Variants in SLIT3 observed in about 807,000 individuals in gnomAD.
SLIT3 encodes slit guidance ligand 3, also known as slit homolog 3 protein.
Under a neutral mutation model 184.0 loss-of-function variants are expected in SLIT3, and 68 were observed. The observed-to-expected ratio is 0.37, with a 90% CI of 0.30 to 0.45. SLIT3 has a LOEUF of 0.45. Ranked by LOEUF, SLIT3 falls within the 20% of genes least tolerant of loss-of-function variation. SLIT3 has a pLI of 1.00. For missense variants in SLIT3, 1,707 were observed against 2,026.0 expected (o/e 0.84, Z 3.02); for synonymous variants, 831 against 828.6 (o/e 1.00, Z -0.05).
chr5:169,153,213 G>A (rs749640904), intron 4 of SLIT3, among the ~76,000 whole-genome samples: 2 of 152,180 alleles, frequency 1.3e-5, no homozygotes, highest in Non-Finnish European at 2.9e-5. Flanking sequence ...GGCCAATGGG[G>A]AGGGGAGGAG....
At chr5:169,041,765 G>A (rs1186257411) in intron 4 of SLIT3, among the ~76,000 whole-genome samples, 1 of 152,132 alleles carries the variant, frequency 6.6e-6, no homozygotes, top group Admixed American at 6.5e-5. Flanking sequence ...TTTGGGAGAT[G>A]CTTCAGAAAA....
At chr5:169,262,197 A>G (rs1766216111) in intron 1 of SLIT3, among the ~76,000 whole-genome samples, 1 of 152,202 alleles carries the variant, frequency 6.6e-6, no homozygotes, top group Non-Finnish European at 1.5e-5. Context: ...CTATCATTAT[A>G]TGACAATAAA....
At chr5:168,875,300 G>C (rs1368462177) in intron 5 of SLIT3, among the ~76,000 whole-genome samples, 1 of 151,610 alleles carries the variant, frequency 6.6e-6, no homozygotes, top group Non-Finnish European at 1.5e-5. Flanking sequence ...GGGAGGGAGA[G>C]AAAGAAAGAA....
intron 1 of SLIT3, among the ~76,000 whole-genome samples, chr5:169,287,745 C>G (rs1163505297): frequency 6.6e-6 from 1 of 152,180 alleles, no homozygotes. Flanking sequence ...CAGCTTCTAG[C>G]AGGAGGGGAT....
intron 4 of SLIT3, among the ~76,000 whole-genome samples, chr5:168,884,751 G>A (rs1013845765): frequency 6.6e-6 from 1 of 151,382 alleles, no homozygotes; most frequent in Non-Finnish European, 1.5e-5. Context: ...CAAATTGTTG[G>A]GTAGGCATTT....
At chr5:169,176,909 C>T (rs140365389) in intron 4 of SLIT3, among the ~76,000 whole-genome samples, 1 of 152,268 alleles carries the variant, frequency 6.6e-6, no homozygotes, top group East Asian at 1.9e-4. Context: ...CTTAGAAATC[C>T]ACCTCGAGGG....
chr5:169,036,089 T>C (rs1396004479), intron 4 of SLIT3: 2 of 152,262 alleles, frequency 1.3e-5, no homozygotes, highest in African/African-American at 2.4e-5. Context: ...AAATATGTTT[T>C]TTCTCATTTG....
rs965908417 is a variant in SLIT3 at position 169,010,804 on chromosome 5, G to A, written c.414-127468C>T. The stretch of plus-strand genomic sequence containing the variant: ...TGCAGTCCCAGCTACTTGGGAGGCT[G>A]AGGCAGGAGAATTGCTTGAACCCAG... On this transcript the variant is annotated intron_variant, in intron 4 of 35. Transcript: ENST00000519560. Among the ~76,000 whole-genome samples the A allele has an allele frequency of 4.0e-5, 6 of 151,868 alleles. No homozygotes were observed. In the South Asian group the frequency reaches 1.0e-3, roughly 26 times the overall value.
chr5:169,026,671 A>AGAGTAGAAG (rs1756837238), intron 4 of SLIT3: 1 of 152,236 alleles, frequency 6.6e-6, no homozygotes, highest in Non-Finnish European at 1.5e-5. Context: ...TATAAGGAAA[A>AGAGTAGAAG]GAGTAGAAGG....
chr5:169,135,025 G>T (rs1159758284), intron 4 of SLIT3, among the ~76,000 whole-genome samples: 4 of 152,210 alleles, frequency 2.6e-5, no homozygotes, highest in Admixed American at 2.0e-4. Flanking sequence ...TATGTGTTGT[G>T]ACACTGGGTA....
At chr5:169,243,603 C>A (rs953702266) in intron 3 of SLIT3, among the ~76,000 whole-genome samples, 1 of 152,158 alleles carries the variant, frequency 6.6e-6, no homozygotes, top group South Asian at 2.1e-4. Flanking sequence ...GCAATGGGGA[C>A]CTTCCCTGTT....
At chr5:169,214,821 C>T (rs1764384147) in intron 3 of SLIT3, among the ~76,000 whole-genome samples, 1 of 152,132 alleles carries the variant, frequency 6.6e-6, no homozygotes, top group African/African-American at 2.4e-5. Context: ...AGGGCTCATG[C>T]TTCCCTCCTT....
intron 4 of SLIT3, among the ~76,000 whole-genome samples, chr5:169,130,702 A>G (rs900432760): frequency 6.6e-6 from 1 of 152,210 alleles, no homozygotes; most frequent in African/African-American, 2.4e-5. Context: ...TGTTGCTGTT[A>G]ATAATAATAT....
At chr5:168,794,985 T>C in intron 10 of SLIT3, among the ~76,000 whole-genome samples, 1 of 152,204 alleles carries the variant, frequency 6.6e-6, no homozygotes, top group East Asian at 1.9e-4. Context: ...TTTTCTGCGT[T>C]CTCCCACTCG....
chr5:168,871,222 C>A (rs748881443), intron 5 of SLIT3, among the ~76,000 whole-genome samples: 1 of 152,084 alleles, frequency 6.6e-6, no homozygotes, highest in Non-Finnish European at 1.5e-5. Flanking sequence ...TTATGAAGAC[C>A]CTTCTGATTA....
chr5:168,940,821 C>T (rs1040952493), intron 4 of SLIT3, among the ~76,000 whole-genome samples: 5 of 152,114 alleles, frequency 3.3e-5, no homozygotes, highest in African/African-American at 1.2e-4. Context: ...TGCCAATCTG[C>T]AGCAACCAGA....
chr5:169,027,561 C>T (rs1581323446), intron 4 of SLIT3, among the ~76,000 whole-genome samples: 1 of 152,184 alleles, frequency 6.6e-6, no homozygotes, highest in East Asian at 1.9e-4. Context: ...CCACTCCAAT[C>T]AAAAGGCACC....
intron 7 of SLIT3, among the ~76,000 whole-genome samples, chr5:168,818,020 C>A (rs576144279): frequency 7.2e-6 from 1 of 139,704 alleles, no homozygotes; most frequent in African/African-American, 3.3e-5. Flanking sequence ...ACTTTGTGTG[C>A]ACTAGCTGGA....
chr5:168,878,758 A>C (rs1759834130), intron 5 of SLIT3, among the ~76,000 whole-genome samples: 1 of 144,580 alleles, frequency 6.9e-6, no homozygotes, highest in South Asian at 2.2e-4. Context: ...CTCGTCTCCC[A>C]GGCGGGAGTG....
Sources: gnomAD v4.1 joint callset for allele counts (sites outside exome capture counted in the v4.1 genomes callset) on GRCh38, gnomAD v4.1.1 for gene constraint, MANE v1.5 for transcripts, NCBI Gene and HGNC (gene_info 2026-07-23, HGNC 2026-07-21) for gene names.